Variants in MINPP1 observed in about 807,000 individuals in gnomAD.
MINPP1 encodes the protein multiple inositol-polyphosphate phosphatase 1.
MINPP1 carries 28 observed loss-of-function variants against 46.1 expected under a neutral mutation model. The ratio of observed to expected loss-of-function variants is 0.61; its 90% CI spans 0.45 to 0.83. The LOEUF is 0.83. Among genes scored for constraint, MINPP1 ranks in the 40% least tolerant of loss-of-function variants. MINPP1 has a pLI of 0.00. For missense variants in MINPP1, 603 were observed against 610.0 expected, an observed-to-expected ratio of 0.99 and a Z score of 0.12; for synonymous variants, 268 against 249.1, an observed-to-expected ratio of 1.08 and a Z score of -0.72.
intron 4 of MINPP1, among the ~76,000 whole-genome samples, chr10:87,527,776 G>A (rs1440634579): frequency 6.6e-6 from 1 of 152,192 alleles, no homozygotes; most frequent in African/African-American, 2.4e-5. Context: ...AGTTTCAGAA[G>A]GAATGGTACC....
intron 4 of MINPP1, among the ~76,000 whole-genome samples, chr10:87,549,291 T>C (rs78291708): frequency 0.032 from 4,830 of 152,364 alleles, 112 homozygotes; most frequent in Non-Finnish European, 0.047. Flanking sequence ...ACTCATAATT[T>C]GTGCATAGCT....
intron 4 of MINPP1, among the ~76,000 whole-genome samples, chr10:87,542,313 CTCTCT>C (rs1564682273): frequency 7.5e-6 from 1 of 133,890 alleles, no homozygotes; most frequent in Non-Finnish European, 1.7e-5. Context: ...TTCTCTCTCT[CTCTCT>C]TTTTTTTTTT....
intron 2 of MINPP1, among the ~76,000 whole-genome samples, chr10:87,510,267 A>C (rs1450270066): frequency 6.6e-6 from 1 of 152,246 alleles, no homozygotes; most frequent in African/African-American, 2.4e-5. Flanking sequence ...TTTTGTTTAC[A>C]TAGGGGGTGA....
chr10:87,540,724 G>A (rs981741553), intron 4 of MINPP1, among the ~76,000 whole-genome samples: 8 of 152,094 alleles, frequency 5.3e-5, no homozygotes, highest in Admixed American at 1.3e-4. Flanking sequence ...TAGTGATTGG[G>A]CATATACTAA....
intron 4 of MINPP1, among the ~76,000 whole-genome samples, chr10:87,550,533 T>C (rs924617776): frequency 1.3e-5 from 2 of 152,198 alleles, no homozygotes; most frequent in Non-Finnish European, 2.9e-5. Context: ...CGTACTCTTA[T>C]ATATGGAAGT....
chr10:87,539,385 T>A (rs1851781779), intron 4 of MINPP1, among the ~76,000 whole-genome samples: 1 of 152,196 alleles, frequency 6.6e-6, no homozygotes, highest in Admixed American at 6.5e-5. Context: ...TTGGGATACT[T>A]CTGCCAAGAG....
In MINPP1 at chr10:87,505,302, A is replaced by G. The variant is rs1342601814; in HGVS notation, c.387A>G (p.Ala129=). 8 of 1,611,770 alleles carry G rather than the reference A, an allele frequency of 5.0e-6. No homozygotes were observed. Among genetic ancestry groups the G allele is most frequent in the Non-Finnish European group, 5.9e-6 (7 of 1,178,396 alleles). Reference sequence around the variant, plus strand: ...GTACCGGCAGCCGCGACCTGGGTGCAGCGCTGGCCGACTGGCCTTTGTGGT... The same window carrying G: ...GTACCGGCAGCCGCGACCTGGGTGCGGCGCTGGCCGACTGGCCTTTGTGGT... The part of the protein sequence containing the change: ...ASSTGSRDLG[A]ALADWPLWYA... The change falls in exon 1 of 5, where the codon GCA becomes GCG. Residue 129 remains alanine, a synonymous_variant. Transcript: ENST00000371996. The surrounding 1 kb of genome is among the most constrained non-coding windows in gnomAD (Gnocchi z 4.4).
chr10:87,543,547 C>G (rs1031101028), intron 4 of MINPP1, among the ~76,000 whole-genome samples: 1 of 152,060 alleles, frequency 6.6e-6, no homozygotes, highest in African/African-American at 2.4e-5. Flanking sequence ...CCCAGCTACT[C>G]AGGGGCAGAG....
Position 87,505,534 on chromosome 10 carries a change from C to G in MINPP1, c.619C>G (p.Pro207Ala). The G allele has an allele frequency of 6.2e-7, 1 of 1,608,058 alleles. No homozygotes were observed. Among genetic ancestry groups the G allele is most frequent in the Non-Finnish European group, 8.5e-7 (1 of 1,179,132 alleles). ...GTGGCAGCACTACCACCCTGGCTTG[C>G]CGCCGCCGGACGTCGCAGGTGACCC... ...GLWQHYHPGL[P>A]PPDVADMEFG... Residue 207 changes from proline (P) to alanine (A), a missense_variant, in exon 1 of 5, where the codon CCG becomes GCG. Pro to Ala is a conservative substitution (Grantham distance 27). This residue lies in a region of MINPP1 where 344 missense variants were observed against 381.1 expected (regional missense o/e 0.90). Coordinates refer to ENST00000371996, the MANE Select transcript of MINPP1 (RefSeq NM_004897.5). The surrounding 1 kb of genome is among the most constrained non-coding windows in gnomAD (Gnocchi z 4.4).
At chr10:87,547,311 C>T (rs995431833) in intron 4 of MINPP1, among the ~76,000 whole-genome samples, 4 of 151,978 alleles carry the variant, frequency 2.6e-5, no homozygotes, top group African/African-American at 9.7e-5. Flanking sequence ...TGGGATTTTA[C>T]TAGGTTGGCC....
At chr10:87,521,008 A>C (rs1476667455) in intron 3 of MINPP1, 28 bp from the exon 4 acceptor site, 1 of 823,028 alleles carries the variant, frequency 1.2e-6, no homozygotes, top group South Asian at 1.6e-5. Context: ...TTGAAAATAT[A>C]TTAGAAATTA....
At chr10:87,506,961 C>T (rs74150474) in intron 1 of MINPP1, among the ~76,000 whole-genome samples, 4 of 152,190 alleles carry the variant, frequency 2.6e-5, no homozygotes, top group East Asian at 1.9e-4. Flanking sequence ...GAAAATTCCT[C>T]ATAAATCTGT....
rs1851234888 is a variant in MINPP1, at chr10:87,505,612, C to T, written c.637+60C>T. 6.7e-7 allele frequency: 1 copy of T among 1,503,530 alleles called. No individual in the cohort carries two copies. The highest frequency in any genetic ancestry group is 9.0e-7 in the Non-Finnish European group (1 of 1,116,174). 93.1% of individuals were successfully genotyped at this position (1,503,530 alleles called of 1,614,324 possible). On this transcript the variant is annotated intron_variant, in intron 1 of 4. Transcript: ENST00000371996. This position sits in a 1 kb window ranked among gnomAD's most constrained non-coding sequence, Gnocchi z 4.4. Reference sequence around the variant, plus strand: ...CCTCCCACCCGCCCTGGATGCTCTCCCGCCTCCCCCAGACCCTGGGCTTTT... The same window carrying T: ...CCTCCCACCCGCCCTGGATGCTCTCTCGCCTCCCCCAGACCCTGGGCTTTT...
rs1039266338 is a variant in MINPP1 at position 87,508,369 on chromosome 10, A to G, written c.671A>G (p.Lys224Arg). The G allele has an allele frequency of 6.2e-7, 1 of 1,612,982 alleles. No homozygotes were observed. Among genetic ancestry groups the G allele is most frequent in the Non-Finnish European group, 8.5e-7 (1 of 1,179,726 alleles). ...TTTGGACCTCCAACAGTTAATGATA[A>G]ACTAATGAGATTTTTTGATCACTGT... ...MEFGPPTVND[K>R]LMRFFDHCEK... Residue 224 changes from lysine (K) to arginine (R), a missense_variant, in exon 2 of 5, where the codon AAA becomes AGA. Lys to Arg is a conservative substitution (Grantham distance 26). Coordinates refer to ENST00000371996, the MANE Select transcript of MINPP1 (RefSeq NM_004897.5).
Position 87,550,892 on chromosome 10 carries a change from T to A in MINPP1, c.1068-1190T>A, listed in dbSNP as rs141156452. On this transcript the variant is annotated intron_variant, in intron 4 of 4. Transcript: ENST00000371996. ...CTAGCCCCGGGCCTCACTGTAGGCC[T>A]GCCTTGCACTCACCAAGTCCTGGAG... Among the ~76,000 whole-genome samples, 948 of 152,148 alleles carry A rather than the reference T, an allele frequency of 6.2e-3. 6 individuals carry two copies. Among genetic ancestry groups the A allele is most frequent in the Non-Finnish European group, 0.011 (718 of 67,996 alleles).
rs1564669574 is a variant in MINPP1, at chr10:87,505,352, T to C, written c.437T>C (p.Leu146Pro). 6.2e-7 allele frequency: 1 copy of C among 1,613,936 alleles called. No individual in the cohort carries two copies. Among genetic ancestry groups the C allele is most frequent in the Non-Finnish European group, 8.5e-7 (1 of 1,179,870 alleles). ...LWYADWMDGQ[L>P]VEKGRQDMRQ... ...TACGCGGACTGGATGGACGGGCAGC[T>C]AGTAGAGAAGGGACGGCAGGATATG... Residue 146 changes from leucine to proline, a missense_variant, in exon 1 of 5, where the codon CTA (leucine) becomes CCA (proline). By Grantham distance (98) the Leu-to-Pro change is moderately conservative. Transcript: ENST00000371996. The surrounding 1 kb of genome is among the most constrained non-coding windows in gnomAD (Gnocchi z 4.4).
rs752875438 is a variant in MINPP1 at position 87,505,071 on chromosome 10, C to T, written c.156C>T (p.Arg52=). The T allele has an allele frequency of 1.4e-5, 22 of 1,613,508 alleles. No individual in the cohort carries two copies. The highest frequency in any genetic ancestry group is 2.2e-5 in the East Asian group (1 of 44,886). The change falls in exon 1 of 5, where the codon CGC becomes CGT. Residue 52 remains arginine (R), a synonymous_variant. Transcript: ENST00000371996. This position sits in a 1 kb window ranked among gnomAD's most constrained non-coding sequence, Gnocchi z 4.4. ...GCCCCTATTTCGGCACCAAGACTCG[C>T]TACGAGGATGTCAACCCCGTGCTAT... ...SLSPYFGTKT[R]YEDVNPVLLS...
chr10:87,527,862 T>C (rs558334542), intron 4 of MINPP1, among the ~76,000 whole-genome samples: 91 of 152,352 alleles, frequency 6.0e-4, no homozygotes, highest in African/African-American at 1.9e-3. Flanking sequence ...TGGTAGGCTA[T>C]TAATTATTGC....
At chr10:87,514,964 C>T (rs543539501) in intron 3 of MINPP1, among the ~76,000 whole-genome samples, 11 of 152,062 alleles carry the variant, frequency 7.2e-5, no homozygotes, top group African/African-American at 2.4e-4. Flanking sequence ...GATCTGCCCG[C>T]CTGGGCCCCC....
Sources: allele counts gnomAD v4.1 joint callset (sites outside exome capture counted in the v4.1 genomes callset), GRCh38; gene constraint gnomAD v4.1.1; regional missense constraint gnomAD v4.1.1; non-coding constraint Gnocchi (gnomAD v3.1); transcripts MANE v1.5; gene names NCBI Gene and HGNC (gene_info 2026-07-23, HGNC 2026-07-21).